The following CPED1 variants were observed in gnomAD, a reference collection of about 807,000 sequenced individuals.
The protein encoded by CPED1 is cadherin-like and PC-esterase domain-containing protein 1.
Under a neutral mutation model 128.2 loss-of-function variants are expected in CPED1, and 114 were observed. The ratio of observed to expected loss-of-function variants is 0.89; its 90% CI spans 0.76 to 1.04. The LOEUF (loss-of-function observed/expected upper bound fraction) is 1.04. Among genes scored for constraint, CPED1 ranks in the 50% least tolerant of loss-of-function variants. CPED1 has a pLI of 0.00. For missense variants in CPED1, 1,211 were observed against 1,207.1 expected, an observed-to-expected ratio of 1.00 and a Z score of -0.05; for synonymous variants, 462 against 426.7, an observed-to-expected ratio of 1.08 and a Z score of -1.02.
intron 16 of CPED1, among the ~76,000 whole-genome samples, chr7:121,233,191 C>T (rs1422375943): frequency 1.3e-5 from 2 of 152,066 alleles, no homozygotes; most frequent in African/African-American, 4.8e-5. Flanking sequence ...AAAATTCCTA[C>T]TAAATATATT....
chr7:121,214,863 T>G (rs1264316585), intron 16 of CPED1, among the ~76,000 whole-genome samples: 1 of 152,096 alleles, frequency 6.6e-6, no homozygotes, highest in African/African-American at 2.4e-5. Context: ...GTACAGCATG[T>G]GATCAGTGAG....
intron 2 of CPED1, among the ~76,000 whole-genome samples, chr7:121,010,724 G>A (rs1792138018): frequency 6.6e-6 from 1 of 152,166 alleles, no homozygotes; most frequent in African/African-American, 2.4e-5. Flanking sequence ...TCTGAGAAAT[G>A]TGTAGCCCTC....
At chr7:121,134,010 C>A in intron 13 of CPED1, 117 bp downstream of exon 13, 2 of 614,916 alleles carry the variant, frequency 3.3e-6, no homozygotes, top group Admixed American at 3.2e-5. Flanking sequence ...TGAGGAAATG[C>A]TATTTTCCCT....
intron 3 of CPED1, among the ~76,000 whole-genome samples, chr7:121,044,670 G>C (rs368415783): frequency 5.1e-5 from 1 of 19,798 alleles, no homozygotes; most frequent in African/African-American, 1.3e-4. Context: ...TTTTTTTTTT[G>C]CTATTTACTT....
At chr7:121,211,818 A>G (rs1797651785) in intron 16 of CPED1, among the ~76,000 whole-genome samples, 1 of 152,052 alleles carries the variant, frequency 6.6e-6, no homozygotes, top group Admixed American at 6.6e-5. Context: ...GAGTCATTTT[A>G]TCCTACAGAA....
intron 3 of CPED1, among the ~76,000 whole-genome samples, chr7:121,041,984 T>G (rs926581358): frequency 2.0e-5 from 3 of 152,082 alleles, no homozygotes; most frequent in African/African-American, 7.2e-5. Flanking sequence ...GCCTGTAGGT[T>G]TTTCACATTC....
At chr7:120,999,709 TG>T (rs1276061462) in intron 2 of CPED1, among the ~76,000 whole-genome samples, 2 of 152,210 alleles carry the variant, frequency 1.3e-5, no homozygotes, top group East Asian at 3.8e-4. Flanking sequence ...TTAGTTAGGC[TG>T]CCTGATGAGC....
chr7:121,285,418 G>A (rs1392369380), intron 22 of CPED1, among the ~76,000 whole-genome samples: 1 of 152,230 alleles, frequency 6.6e-6, no homozygotes, highest in Non-Finnish European at 1.5e-5. Flanking sequence ...AATTTCTGCA[G>A]CTGGCTTAAA....
At chr7:121,023,242 G>A (rs1250584834) in intron 3 of CPED1, among the ~76,000 whole-genome samples, 1 of 152,092 alleles carries the variant, frequency 6.6e-6, no homozygotes, top group Non-Finnish European at 1.5e-5. Flanking sequence ...TTTCTGGGAG[G>A]CCCTGTAGTA....
intron 16 of CPED1, among the ~76,000 whole-genome samples, chr7:121,178,510 G>A (rs1271981851): frequency 1.3e-5 from 2 of 152,014 alleles, no homozygotes; most frequent in African/African-American, 2.4e-5. Flanking sequence ...TACAATTGAC[G>A]ATGAATCATA....
rs180712720 is a variant in CPED1 at position 121,258,767 on chromosome 7, A to C, written c.2311-7460A>C. On this transcript the variant is annotated intron_variant, in intron 18 of 22. Coordinates refer to ENST00000310396, the MANE Select transcript of CPED1 (RefSeq NM_024913.5). ...CCTAAATACACAGTTTTAACAATAT[A>C]GTTGCCTTCCTGAAGACTTTCAATT... Among the ~76,000 whole-genome samples the C allele has an allele frequency of 1.2e-3, 184 of 152,238 alleles. 1 individual carries two copies. Among genetic ancestry groups the C allele is most frequent in the African/African-American group, 4.2e-3 (174 of 41,576 alleles).
At chr7:121,235,483 A>G (rs1433183784) in intron 16 of CPED1, among the ~76,000 whole-genome samples, 1 of 152,150 alleles carries the variant, frequency 6.6e-6, no homozygotes, top group African/African-American at 2.4e-5. Context: ...AGGTTAGGAC[A>G]GTTGAGAATA....
At chr7:121,125,743 C>A in intron 8 of CPED1, 77 bp from the exon 9 acceptor site, 1 of 1,073,046 alleles carries the variant, frequency 9.3e-7, no homozygotes. Flanking sequence ...CCAAGTTTTG[C>A]TGTTATAAAT....
Position 121,297,107 on chromosome 7 carries a change from A to G in CPED1, c.*1455A>G, listed in dbSNP as rs1291392692. ...CTTGATATAAACAATACAAATCTGCATCTTACAGATGATAATTTTTTTAGA... is the reference window on the plus strand; with the variant it reads ...CTTGATATAAACAATACAAATCTGCGTCTTACAGATGATAATTTTTTTAGA... On this transcript the variant is annotated 3_prime_UTR_variant, in exon 23 of 23. Coordinates refer to ENST00000310396, the MANE Select transcript of CPED1 (RefSeq NM_024913.5). 4 of 152,084 alleles carry G rather than the reference A, an allele frequency of 2.6e-5. No homozygotes were observed. The highest frequency in any genetic ancestry group is 2.0e-4 in the Admixed American group (3 of 15,272). The allele number at this position is 152,084 out of a possible 1,614,324, so 9.4% of individuals were successfully genotyped here. A position where few individuals can be genotyped will look rare whatever the true frequency, so the allele number is the denominator to read the frequency against.
chr7:121,122,067 T>C (rs1051551025), intron 7 of CPED1, among the ~76,000 whole-genome samples: 3 of 152,102 alleles, frequency 2.0e-5, no homozygotes, highest in African/African-American at 7.2e-5. Context: ...GATTCTACTT[T>C]AATTTCTAGC....
intron 3 of CPED1, among the ~76,000 whole-genome samples, chr7:121,037,919 C>A (rs1034374230): frequency 6.6e-6 from 1 of 152,046 alleles, no homozygotes; most frequent in African/African-American, 2.4e-5. Flanking sequence ...GGGTTGAGTT[C>A]TTGATTTGAT....
At chr7:121,135,481 G>C (rs73433974) in intron 13 of CPED1, among the ~76,000 whole-genome samples, 30,971 of 151,880 alleles carry the variant, frequency 0.2, 3,837 homozygotes, top group African/African-American at 0.34. Flanking sequence ...TCTGAGGCCA[G>C]AATTTGAGAA....
chr7:121,221,782 A>G (rs1407060226), intron 16 of CPED1, among the ~76,000 whole-genome samples: 1 of 152,134 alleles, frequency 6.6e-6, no homozygotes, highest in Non-Finnish European at 1.5e-5. Flanking sequence ...GTGTCTGTTC[A>G]TATCTTTTGC....
chr7:121,007,344 C>T (rs957586513), intron 2 of CPED1, among the ~76,000 whole-genome samples: 2 of 151,452 alleles, frequency 1.3e-5, no homozygotes, highest in Non-Finnish European at 2.9e-5. Flanking sequence ...AGAAAGGCAC[C>T]GTATGGTCCC....
Sources: gnomAD v4.1 joint callset for allele counts (sites outside exome capture counted in the v4.1 genomes callset) on GRCh38, gnomAD v4.1.1 for gene constraint, MANE v1.5 for transcripts, NCBI Gene and HGNC (gene_info 2026-07-23, HGNC 2026-07-21) for gene names.